Variants in FBXO11 observed in about 807,000 individuals in gnomAD.
The protein encoded by FBXO11 is F-box only protein 11.
In FBXO11, 13 loss-of-function variants were observed where a neutral mutation model predicts 117.0. The ratio of observed to expected loss-of-function variants is 0.11; its 90% CI spans 0.07 to 0.18. The LOEUF (loss-of-function observed/expected upper bound fraction) is 0.18. Ranked by LOEUF, FBXO11 falls within the 10% of genes least tolerant of loss-of-function variation. The pLI is 1.00. For missense variants in FBXO11, 767 were observed against 1,164.4 expected (o/e 0.66, Z 4.97); for synonymous variants, 490 against 380.5 (o/e 1.29, Z -3.35).
chr2:47,832,268 G>T, intron 11 of FBXO11, 81 bp downstream of exon 11: 1 of 1,190,292 alleles, frequency 8.4e-7, no homozygotes, highest in South Asian at 1.6e-5. Context: ...ATAATTTGGT[G>T]ATGAGAAAAT....
intron 18 of FBXO11, among the ~76,000 whole-genome samples, chr2:47,812,038 ATCT>A (rs1208580541): frequency 6.6e-6 from 1 of 151,324 alleles, no homozygotes; most frequent in Admixed American, 6.6e-5. Context: ...CCTGTCTCTA[ATCT>A]TGATTATTTC....
At chr2:47,835,408 T>A (rs1176818842) in intron 5 of FBXO11, among the ~76,000 whole-genome samples, 4 of 152,252 alleles carry the variant, frequency 2.6e-5, no homozygotes, top group African/African-American at 9.6e-5. Context: ...TAATGCTTAC[T>A]GTACTAACTT....
At chr2:47,900,014 G>A (rs558093332) in intron 1 of FBXO11, among the ~76,000 whole-genome samples, 5 of 152,060 alleles carry the variant, frequency 3.3e-5, no homozygotes, top group Non-Finnish European at 7.4e-5. Flanking sequence ...GGAACTACTT[G>A]TGGTTCCTGC....
At position 47,812,480 on chromosome 2, in the gene FBXO11, A is replaced by G. The variant is rs139893503; in HGVS notation, c.2227+754T>C. Among the ~76,000 whole-genome samples the G allele has an allele frequency of 3.5e-4, 53 of 152,314 alleles. No individual in the cohort carries two copies. The East Asian group carries it at 4.4e-3, about 13-fold the overall frequency. ...ATTCTGTATTGTGTGTCTTCACTAT[A>G]TTTTGTGAAAACTATCTGAGATACG... On this transcript the variant is annotated intron_variant, in intron 18 of 22. Coordinates refer to ENST00000403359, the MANE Select transcript of FBXO11 (RefSeq NM_001190274.2).
At chr2:47,808,970 T>C (rs761436185) in intron 21 of FBXO11, 188 bp downstream of exon 21, 8 of 471,464 alleles carry the variant, frequency 1.7e-5, no homozygotes, top group Non-Finnish European at 2.2e-5. Context: ...GTGCTAGGAT[T>C]ACAGGCATAA....
chr2:47,876,405 T>A (rs1558464791), intron 1 of FBXO11, among the ~76,000 whole-genome samples: 1 of 152,242 alleles, frequency 6.6e-6, no homozygotes, highest in Non-Finnish European at 1.5e-5. Context: ...TTACTATTCT[T>A]GCTGAAGTAC....
Position 47,832,956 on chromosome 2 carries a change from TG to T in FBXO11, c.1041+7del. 6.2e-7 allele frequency: 1 copy of T among 1,606,600 alleles called. No individual in the cohort carries two copies. Among genetic ancestry groups the T allele is most frequent in the Non-Finnish European group, 8.5e-7 (1 of 1,173,282 alleles). ...TCAATGTGTATTTTAAATCTTAACA[TG>T]TCTTACCCTTATTGTCATATATCCA... is the stretch of plus-strand genomic sequence containing the variant. On this transcript the variant is annotated splice_region_variant and intron_variant, in intron 8 of 22. Coordinates refer to ENST00000403359, the MANE Select transcript of FBXO11 (RefSeq NM_001190274.2).
At chr2:47,879,008 C>T (rs930845078) in intron 1 of FBXO11, among the ~76,000 whole-genome samples, 1 of 152,080 alleles carries the variant, frequency 6.6e-6, no homozygotes, top group African/African-American at 2.4e-5. Context: ...AATCTTTCCA[C>T]GTATTCAGTT....
chr2:47,896,048 A>C (rs1375715513), intron 1 of FBXO11, among the ~76,000 whole-genome samples: 1 of 152,216 alleles, frequency 6.6e-6, no homozygotes, highest in African/African-American at 2.4e-5. Flanking sequence ...AAAACTATAG[A>C]CTGTTTCTAA....
At chr2:47,872,314 T>G (rs1675682169) in intron 1 of FBXO11, among the ~76,000 whole-genome samples, 1 of 152,204 alleles carries the variant, frequency 6.6e-6, no homozygotes, top group Non-Finnish European at 1.5e-5. Flanking sequence ...AAGTCAAAAC[T>G]ATTTTCATTA....
chr2:47,897,680 G>C (rs1677777764), intron 1 of FBXO11, among the ~76,000 whole-genome samples: 1 of 127,556 alleles, frequency 7.8e-6, no homozygotes, highest in South Asian at 2.5e-4. Context: ...CTGGGTGACA[G>C]AGTGAGACTG....
intron 1 of FBXO11, among the ~76,000 whole-genome samples, chr2:47,898,168 GT>G (rs1677820550): frequency 6.6e-6 from 1 of 152,172 alleles, no homozygotes; most frequent in South Asian, 2.1e-4. Context: ...TATTCGGGGT[GT>G]TTAAAAAACG....
At chr2:47,857,143 G>C (rs1168953267) in intron 1 of FBXO11, among the ~76,000 whole-genome samples, 6 of 152,176 alleles carry the variant, frequency 3.9e-5, no homozygotes, top group Non-Finnish European at 5.9e-5. Flanking sequence ...TAGGGCACCA[G>C]ATTTCCAAGT....
rs1014606030 is a variant in FBXO11 at position 47,887,704 on chromosome 2, T to A, written c.232+17785A>T. 2.0e-5 allele frequency among the ~76,000 whole-genome samples: 3 copies of A among 151,536 alleles called. No individual in the cohort carries two copies. The South Asian group carries it at 6.2e-4, about 32-fold the overall frequency. ...GGTGAAATCTCGTCTTTACAAAAAATACAAAAATTAGCCGGGCATGGTGGC... is the reference window on the plus strand; with the variant it reads ...GGTGAAATCTCGTCTTTACAAAAAAAACAAAAATTAGCCGGGCATGGTGGC... On this transcript the variant is annotated intron_variant, in intron 1 of 22. Coordinates refer to ENST00000403359, the MANE Select transcript of FBXO11 (RefSeq NM_001190274.2).
chr2:47,829,141 T>C (rs1267506223), intron 11 of FBXO11, among the ~76,000 whole-genome samples: 1 of 152,114 alleles, frequency 6.6e-6, no homozygotes, highest in African/African-American at 2.4e-5. Flanking sequence ...GGGATCTGCC[T>C]ACCTTGTCCT....
chr2:47,837,199 C>T (rs1672649955), intron 4 of FBXO11, among the ~76,000 whole-genome samples: 1 of 152,196 alleles, frequency 6.6e-6, no homozygotes, highest in Admixed American at 6.5e-5. Context: ...TGCTGCTCTT[C>T]ATTCTCATTT....
intron 5 of FBXO11, among the ~76,000 whole-genome samples, chr2:47,835,577 C>A (rs1207790965): frequency 6.6e-6 from 1 of 152,046 alleles, no homozygotes; most frequent in Non-Finnish European, 1.5e-5. Flanking sequence ...CAGCTCTCTG[C>A]AACTCTGCCT....
At chr2:47,875,535 T>TA (rs1366693406) in intron 1 of FBXO11, among the ~76,000 whole-genome samples, 1 of 151,634 alleles carries the variant, frequency 6.6e-6, no homozygotes, top group East Asian at 1.9e-4. Context: ...AATTGATAAG[T>TA]AATGATAAAA....
intron 2 of FBXO11, 49 bp from the exon 3 acceptor site, chr2:47,839,549 T>C: frequency 1.2e-6 from 2 of 1,604,676 alleles, no homozygotes; most frequent in Non-Finnish European, 1.7e-6. Flanking sequence ...TTATCATCCA[T>C]AATCATTACT....
Sources: gnomAD v4.1 joint callset for allele counts (sites outside exome capture counted in the v4.1 genomes callset) on GRCh38, gnomAD v4.1.1 for gene constraint, MANE v1.5 for transcripts, NCBI Gene and HGNC (gene_info 2026-07-23, HGNC 2026-07-21) for gene names.